Variants in SMURF2 observed in about 807,000 individuals in gnomAD.
SMURF2 encodes the protein SMAD specific E3 ubiquitin protein ligase 2, also known as E3 ubiquitin-protein ligase SMURF2.
Under a neutral mutation model 109.6 loss-of-function variants are expected in SMURF2, and 48 were observed. The ratio of observed to expected loss-of-function variants is 0.44; its 90% confidence interval spans 0.35 to 0.56. The LOEUF is 0.56. SMURF2 is among the 20% of genes least tolerant of loss of function. SMURF2 has a pLI of 0.01. For missense variants in SMURF2, 575 were observed against 909.0 expected, an observed-to-expected ratio of 0.63 and a Z score of 4.72; for synonymous variants, 288 against 317.1, an observed-to-expected ratio of 0.91 and a Z score of 0.97.
chr17:64,579,885 T>C (rs1172287486), intron 8 of SMURF2, among the ~76,000 whole-genome samples: 2 of 152,230 alleles, frequency 1.3e-5, no homozygotes, highest in African/African-American at 4.8e-5. Flanking sequence ...TTAATGATTG[T>C]GCTAAAAGTT....
intron 10 of SMURF2, among the ~76,000 whole-genome samples, chr17:64,570,466 A>G (rs77306082): frequency 0.05 from 7,565 of 152,268 alleles, 296 homozygotes; most frequent in Admixed American, 0.13. Flanking sequence ...TTAGTAATGA[A>G]GTTTTCCTGT....
chr17:64,633,901 C>T (rs1295137635), intron 1 of SMURF2, among the ~76,000 whole-genome samples: 10 of 152,042 alleles, frequency 6.6e-5, no homozygotes, highest in African/African-American at 4.8e-5. Context: ...TCATGCCTGT[C>T]ATCCCAACAC....
chr17:64,605,688 G>A (rs1555688975), intron 2 of SMURF2, among the ~76,000 whole-genome samples: 1 of 148,088 alleles, frequency 6.8e-6, no homozygotes, highest in Non-Finnish European at 1.5e-5. Context: ...AGTGAGCTAT[G>A]ACTGTGCCAC....
At chr17:64,573,115 A>AT (rs1969422154) in intron 9 of SMURF2, 1 of 129,724 alleles carries the variant, frequency 7.7e-6, no homozygotes, top group Non-Finnish European at 1.6e-5. Context: ...TCCTCTTTTT[A>AT]TTAAAAAAAA....
chr17:64,661,719 A>ATT, intron 1 of SMURF2, 110 bp downstream of exon 1: 1 of 711,118 alleles, frequency 1.4e-6, no homozygotes, highest in Non-Finnish European at 1.9e-6. Flanking sequence ...CATTCCTCCG[A>ATT]CCCCCAACTC....
chr17:64,576,950 A>G (rs868980714), intron 9 of SMURF2, among the ~76,000 whole-genome samples: 1 of 128,296 alleles, frequency 7.8e-6, no homozygotes, highest in East Asian at 2.2e-4. Context: ...GTGTGATCTC[A>G]GCTCACTGCA....
intron 16 of SMURF2, 133 bp downstream of exon 16, chr17:64,551,451 A>G (rs1459820429): frequency 2.1e-6 from 2 of 972,280 alleles, no homozygotes; most frequent in Non-Finnish European, 3.0e-6. Context: ...TTTCCTGTGA[A>G]TAAGAATTCT....
chr17:64,559,914 ATCT>A (rs1314223433), intron 12 of SMURF2, among the ~76,000 whole-genome samples: 1 of 151,348 alleles, frequency 6.6e-6, no homozygotes, highest in Non-Finnish European at 1.5e-5. Flanking sequence ...TACCCAGCTA[ATCT>A]TTTTTTTTTA....
At chr17:64,559,129 G>GT (rs1241910960) in intron 12 of SMURF2, among the ~76,000 whole-genome samples, 2 of 152,064 alleles carry the variant, frequency 1.3e-5, no homozygotes, top group Admixed American at 1.3e-4. Flanking sequence ...GTGTGTATGT[G>GT]TTTTTTAAAA....
At chr17:64,641,186 A>T (rs545836212) in intron 1 of SMURF2, among the ~76,000 whole-genome samples, 1 of 152,260 alleles carries the variant, frequency 6.6e-6, no homozygotes, top group East Asian at 1.9e-4. Flanking sequence ...ATACTTTAAT[A>T]AGCTATCATA....
chr17:64,607,825 G>A (rs1342076879), intron 1 of SMURF2, among the ~76,000 whole-genome samples: 1 of 151,166 alleles, frequency 6.6e-6, no homozygotes, highest in African/African-American at 2.4e-5. Context: ...ACAAAAATTA[G>A]CTGGGTGTAG....
chr17:64,638,071 T>C (rs1970446332), intron 1 of SMURF2, among the ~76,000 whole-genome samples: 2 of 140,998 alleles, frequency 1.4e-5, no homozygotes, highest in Non-Finnish European at 1.5e-5. Context: ...TCTTTTTTTT[T>C]TTTTTTTTTT....
At chr17:64,575,828 G>C (rs1197714554) in intron 9 of SMURF2, among the ~76,000 whole-genome samples, 1 of 151,962 alleles carries the variant, frequency 6.6e-6, no homozygotes, top group Non-Finnish European at 1.5e-5. Context: ...ATACAAAGTT[G>C]ATTTAGAATT....
rs1456683256 is a variant in SMURF2, at chr17:64,547,163, G to A, written c.2071+437C>T. ...TCTGATGCCATGCAGTAATTAAAAT[G>A]CTCTGACCGAACAGATGGTTTCCAT... On this transcript the variant is annotated intron_variant, in intron 17 of 18. Coordinates refer to ENST00000262435, the MANE Select transcript of SMURF2 (RefSeq NM_022739.4). This position sits in a 1 kb window ranked among gnomAD's most constrained non-coding sequence, Gnocchi z 4.2. 6.6e-6 allele frequency among the ~76,000 whole-genome samples: 1 copy of A among 152,196 alleles called. No homozygotes were observed. The highest frequency in any genetic ancestry group is 1.5e-5 in the Non-Finnish European group (1 of 68,036).
chr17:64,550,460 C>A (rs1018384801), intron 16 of SMURF2, among the ~76,000 whole-genome samples: 5 of 152,110 alleles, frequency 3.3e-5, no homozygotes, highest in African/African-American at 1.2e-4. Context: ...AAAAACTATT[C>A]ACTGTTTAGT....
At chr17:64,656,724 T>A (rs950419633) in intron 1 of SMURF2, among the ~76,000 whole-genome samples, 3 of 152,082 alleles carry the variant, frequency 2.0e-5, no homozygotes, top group Non-Finnish European at 2.9e-5. Flanking sequence ...TTATTTGTAA[T>A]AAAAAATTTG....
At chr17:64,549,670 C>T (rs901685717) in intron 16 of SMURF2, among the ~76,000 whole-genome samples, 3 of 152,188 alleles carry the variant, frequency 2.0e-5, no homozygotes, top group South Asian at 2.1e-4. Context: ...GCACGAGAAT[C>T]GCTTGAAAAC....
At chr17:64,643,203 G>A (rs1395413198) in intron 1 of SMURF2, among the ~76,000 whole-genome samples, 1 of 151,636 alleles carries the variant, frequency 6.6e-6, no homozygotes, top group African/African-American at 2.4e-5. Context: ...TTGTTTTTTT[G>A]GTAGAGTCGG....
chr17:64,648,783 C>T lies in SMURF2; in HGVS notation c.52+13046G>A, dbSNP rs1483405484. On this transcript the variant is annotated intron_variant, in intron 1 of 18. Transcript: ENST00000262435. ...AAAAACAAAAACAAAAAACAAAACACACACACACACACAATTTATTGAAGT... is the reference window on the plus strand; with the variant it reads ...AAAAACAAAAACAAAAAACAAAACATACACACACACACAATTTATTGAAGT... 2.0e-5 allele frequency among the ~76,000 whole-genome samples: 3 copies of T among 152,214 alleles called. No individual in the cohort carries two copies. In the East Asian group the frequency reaches 5.8e-4, roughly 29 times the overall value.
Sources: allele counts gnomAD v4.1 joint callset (sites outside exome capture counted in the v4.1 genomes callset), GRCh38; gene constraint gnomAD v4.1.1; non-coding constraint Gnocchi (gnomAD v3.1); transcripts MANE v1.5; gene names NCBI Gene and HGNC (gene_info 2026-07-23, HGNC 2026-07-21).